The following AHCYL2 variants were observed in gnomAD, a reference collection of about 807,000 sequenced individuals.
AHCYL2 encodes S-adenosylhomocysteine hydrolase-like protein 2.
In AHCYL2, 28 loss-of-function variants were observed where a neutral mutation model predicts 81.4. The ratio of observed to expected loss-of-function variants is 0.34; its 90% CI spans 0.25 to 0.47. The LOEUF (loss-of-function observed/expected upper bound fraction) is 0.47. Ranked by LOEUF, AHCYL2 falls within the 20% of genes least tolerant of loss-of-function variation. The pLI is 1.00. For missense variants in AHCYL2, 551 were observed against 785.1 expected (o/e 0.70, Z 3.56); for synonymous variants, 272 against 290.2 (o/e 0.94, Z 0.64).
intron 1 of AHCYL2, among the ~76,000 whole-genome samples, chr7:129,312,750 A>G (rs1263918830): frequency 6.6e-6 from 1 of 152,148 alleles, no homozygotes; most frequent in Admixed American, 6.5e-5. Flanking sequence ...ATCCACATTG[A>G]GACATTGAAC....
chr7:129,397,277 A>G lies in AHCYL2; in HGVS notation c.776A>G (p.Asn259Ser). 1 of 1,614,184 alleles carries G rather than the reference A, an allele frequency of 6.2e-7. No individual in the cohort carries two copies. Among genetic ancestry groups the G allele is most frequent in the Non-Finnish European group, 8.5e-7 (1 of 1,180,022 alleles). ...LGAQCRWAAC[N>S]IYSTLNEVAA... ...GCCCAGTGCCGATGGGCTGCCTGCA[A>G]CATCTATTCCACTCTCAATGAAGTG... Residue 259 changes from asparagine to serine, a missense_variant, in exon 5 of 17, where the codon AAC becomes AGC. Around this residue, in one of 2 missense-constraint regions of AHCYL2, gnomAD observed 316 missense variants for 543.1 expected, o/e 0.58. Transcript: ENST00000325006.
At chr7:129,267,125 A>G (rs1048248197) in intron 1 of AHCYL2, among the ~76,000 whole-genome samples, 9 of 152,202 alleles carry the variant, frequency 5.9e-5, no homozygotes, top group African/African-American at 2.2e-4. Flanking sequence ...AAAAAAGATT[A>G]TGAAATCACA....
intron 1 of AHCYL2, among the ~76,000 whole-genome samples, chr7:129,311,577 C>G (rs890457969): frequency 2.0e-5 from 3 of 152,020 alleles, no homozygotes; most frequent in Non-Finnish European, 2.9e-5. Context: ...AACCCCACCC[C>G]CCACCGCGCC....
chr7:129,241,003 C>T (rs887618430), intron 1 of AHCYL2, among the ~76,000 whole-genome samples: 2 of 152,050 alleles, frequency 1.3e-5, no homozygotes, highest in Non-Finnish European at 2.9e-5. Context: ...TTTTAAGCTA[C>T]ATTAATGTGG....
At chr7:129,318,977 A>G (rs1797922714) in intron 1 of AHCYL2, among the ~76,000 whole-genome samples, 1 of 152,072 alleles carries the variant, frequency 6.6e-6, no homozygotes, top group African/African-American at 2.4e-5. Context: ...TACTATAAGC[A>G]AAGTTAAAAG....
At chr7:129,369,550 GTTTTTTT>G (rs35051098) in intron 1 of AHCYL2, among the ~76,000 whole-genome samples, 12 of 132,530 alleles carry the variant, frequency 9.1e-5, no homozygotes, top group South Asian at 7.3e-4. Flanking sequence ...TTGTGTTCAG[GTTTTTTT>G]TTTTTTTTTT....
intron 1 of AHCYL2, among the ~76,000 whole-genome samples, chr7:129,281,143 A>G (rs537397481): frequency 3.7e-4 from 57 of 152,220 alleles, no homozygotes; most frequent in East Asian, 2.9e-3. Flanking sequence ...GATTACAGGC[A>G]TGAGCCACCA....
chr7:129,407,607 A>C (rs996874304), intron 10 of AHCYL2, among the ~76,000 whole-genome samples: 1 of 152,164 alleles, frequency 6.6e-6, no homozygotes, highest in Non-Finnish European at 1.5e-5. Flanking sequence ...ATACAAATTG[A>C]TACTGTTCAG....
chr7:129,368,894 T>C lies in AHCYL2; in HGVS notation c.364-10744T>C, dbSNP rs2150855299. Among the ~76,000 whole-genome samples the C allele has an allele frequency of 6.6e-6, 1 of 152,260 alleles. No individual in the cohort carries two copies. Among genetic ancestry groups the C allele is most frequent in the South Asian group, 2.1e-4 (1 of 4,814 alleles). ...TTCAACCTGATGCTTCATTTGTTTCTCTGGGGGTAAAGAAAAAGAACAATG... is the reference window on the plus strand; with the variant it reads ...TTCAACCTGATGCTTCATTTGTTTCCCTGGGGGTAAAGAAAAAGAACAATG... On this transcript the variant is annotated intron_variant, in intron 1 of 16. Transcript: ENST00000325006. This position sits in a 1 kb window ranked among gnomAD's most constrained non-coding sequence, Gnocchi z 4.4.
At chr7:129,253,940 TTTAG>T (rs1584708699) in intron 1 of AHCYL2, among the ~76,000 whole-genome samples, 1 of 152,230 alleles carries the variant, frequency 6.6e-6, no homozygotes, top group Admixed American at 6.5e-5. Flanking sequence ...ACTATTATGA[TTTAG>T]TTAATCAAAC....
In AHCYL2 at chr7:129,351,471, T is replaced by C. The variant is rs955752262; in HGVS notation, c.364-28167T>C. On this transcript the variant is annotated intron_variant, in intron 1 of 16. Coordinates refer to ENST00000325006, the MANE Select transcript of AHCYL2 (RefSeq NM_015328.4). ...ACCCCACTCTACACTCAAGAGAGAA[T>C]GAAAAGTGAAAAAGACAAAGGACAT... The C allele has an allele frequency of 2.0e-5, 3 of 152,182 alleles. No individual in the cohort carries two copies. The East Asian group carries it at 5.8e-4, about 29-fold the overall frequency. The allele number at this position is 152,182 out of a possible 1,614,324, so 9.4% of individuals were successfully genotyped here.
chr7:129,286,768 ACT>A (rs200023642), intron 1 of AHCYL2, among the ~76,000 whole-genome samples: 3,750 of 151,458 alleles, frequency 0.025, 77 homozygotes, highest in Admixed American at 0.058. Flanking sequence ...GCTCCTTTAC[ACT>A]CTTAAAAATT....
Position 129,233,912 on chromosome 7 carries a change from T to A in AHCYL2, c.363+8473T>A, listed in dbSNP as rs527753224. Among the ~76,000 whole-genome samples the A allele has an allele frequency of 1.2e-4, 18 of 152,310 alleles. No homozygotes were observed. In the South Asian group the frequency reaches 2.5e-3, roughly 21 times the overall value. ...TACCTCCCAAGTCTACAAACCTATG[T>A]GCATCTGGGACTCATCTTTTTCTCC... is the stretch of plus-strand genomic sequence containing the variant. On this transcript the variant is annotated intron_variant, in intron 1 of 16. Transcript: ENST00000325006.
At chr7:129,393,776 C>T (rs912951176) in intron 4 of AHCYL2, among the ~76,000 whole-genome samples, 2 of 152,180 alleles carry the variant, frequency 1.3e-5, no homozygotes, top group African/African-American at 4.8e-5. Context: ...TCCCAGAATG[C>T]CTAGCTCCTT....
intron 1 of AHCYL2, among the ~76,000 whole-genome samples, chr7:129,340,430 T>C (rs1476234709): frequency 6.6e-6 from 1 of 151,126 alleles, no homozygotes; most frequent in African/African-American, 2.4e-5. Context: ...TAGCCGGGCG[T>C]GGTGGCAGTT....
At chr7:129,233,589 G>A (rs1350195706) in intron 1 of AHCYL2, among the ~76,000 whole-genome samples, 3 of 152,074 alleles carry the variant, frequency 2.0e-5, no homozygotes, top group African/African-American at 7.2e-5. Flanking sequence ...CCGGGTTCAA[G>A]CGATTCTCCT....
Position 129,427,125 on chromosome 7 carries a change from C to A in AHCYL2, c.*80C>A. The A allele has an allele frequency of 7.0e-7, 1 of 1,422,978 alleles. No individual in the cohort carries two copies. Among genetic ancestry groups the A allele is most frequent in the Non-Finnish European group, 9.9e-7 (1 of 1,014,992 alleles). The allele number at this position is 1,422,978 out of a possible 1,614,324, so 88.1% of individuals were successfully genotyped here. On this transcript the variant is annotated 3_prime_UTR_variant, in exon 17 of 17. Transcript: ENST00000325006. This position sits in a 1 kb window ranked among gnomAD's most constrained non-coding sequence, Gnocchi z 5.5. The stretch of plus-strand genomic sequence containing the variant: ...CACTACTATACAAGAAAGAATTCAG[C>A]AAGCTGCTTCTCCAATCAAAGCTGC...
intron 1 of AHCYL2, among the ~76,000 whole-genome samples, chr7:129,279,890 AC>A (rs1202795431): frequency 1.3e-5 from 2 of 152,258 alleles, no homozygotes; most frequent in East Asian, 3.9e-4. Flanking sequence ...AGCAGTGAGG[AC>A]AACCAGAGGC....
intron 1 of AHCYL2, among the ~76,000 whole-genome samples, chr7:129,332,374 C>G (rs7806089): frequency 0.25 from 37,677 of 152,082 alleles, 4,728 homozygotes; most frequent in South Asian, 0.37. Context: ...TGGGTGTATT[C>G]ACTCCTGAAG....
Sources: allele counts gnomAD v4.1 joint callset (sites outside exome capture counted in the v4.1 genomes callset), GRCh38; gene constraint gnomAD v4.1.1; regional missense constraint gnomAD v4.1.1; non-coding constraint Gnocchi (gnomAD v3.1); transcripts MANE v1.5; gene names NCBI Gene and HGNC (gene_info 2026-07-23, HGNC 2026-07-21).